NFIX: variants seen among roughly 807,000 people sequenced by gnomAD.
NFIX encodes nuclear factor I X, also known as nuclear factor 1 X-type.
In NFIX, 2 loss-of-function variants were observed where a neutral mutation model predicts 53.3. That is an observed-to-expected ratio of 0.04 (90% CI 0.02 to 0.12). NFIX has a LOEUF of 0.12. NFIX is among the 10% of genes least tolerant of loss of function. The pLI is 1.00. For missense variants in NFIX, 310 were observed against 674.5 expected, an observed-to-expected ratio of 0.46 and a Z score of 5.99; for synonymous variants, 244 against 289.0, an observed-to-expected ratio of 0.84 and a Z score of 1.58.
intron 2 of NFIX, among the ~76,000 whole-genome samples, chr19:13,047,391 G>A (rs1207340701): frequency 2.6e-5 from 4 of 151,962 alleles, no homozygotes; most frequent in Admixed American, 6.6e-5. Context: ...CCATTTTCCC[G>A]CCATCAGCTT....
At position 13,081,927 on chromosome 19, in the gene NFIX, C is replaced by A. The variant is rs7247634; in HGVS notation, c.1254+72C>A. On this transcript the variant is annotated intron_variant, in intron 8 of 10. Transcript: ENST00000592199. The surrounding 1 kb of genome is among the most constrained non-coding windows in gnomAD (Gnocchi z 4.7). The stretch of plus-strand genomic sequence containing the variant: ...ATCTATCTGTCTGTCTCAGGGCTCA[C>A]AGGGAGAGGGCCCAAAAGCCAGGAG... 1,262 of 1,563,286 alleles carry A rather than the reference C, an allele frequency of 8.1e-4. 9 individuals carry two copies. In the African/African-American group the frequency reaches 0.015, roughly 19 times the overall value.
At chr19:13,003,319 G>T (rs1179048251) in intron 1 of NFIX, among the ~76,000 whole-genome samples, 1 of 152,120 alleles carries the variant, frequency 6.6e-6, no homozygotes, top group East Asian at 1.9e-4. Flanking sequence ...CACACTCAGG[G>T]ACGTGCATGT....
chr19:13,039,649 C>T (rs780849978), intron 2 of NFIX, among the ~76,000 whole-genome samples: 14 of 152,090 alleles, frequency 9.2e-5, no homozygotes, highest in East Asian at 1.9e-4. Flanking sequence ...ATCTGCTGGG[C>T]GAGGCCCCGT....
In NFIX at chr19:13,068,150, G is replaced by T. The variant is rs1346365149; in HGVS notation, c.560-4897G>T. On this transcript the variant is annotated intron_variant, in intron 2 of 10. Transcript: ENST00000592199. The surrounding 1 kb of genome is among the most constrained non-coding windows in gnomAD (Gnocchi z 4.2). ...AACAAAAAACAAAAACATGCTGTCA[G>T]TTGGAGTTTATGTGCAATCCCAGGC... is the stretch of plus-strand genomic sequence containing the variant. Among the ~76,000 whole-genome samples, 1 of 152,158 alleles carries T rather than the reference G, an allele frequency of 6.6e-6. No individual in the cohort carries two copies. The highest frequency in any genetic ancestry group is 1.5e-5 in the Non-Finnish European group (1 of 68,016).
In NFIX at chr19:13,081,840, C is replaced by T. The variant is rs1173207111; in HGVS notation, c.1239C>T (p.Gly413=). The change falls in exon 8 of 11, where the codon GGC becomes GGT. Residue 413 remains glycine (G), a synonymous_variant. Coordinates refer to ENST00000592199, the MANE Select transcript of NFIX (RefSeq NM_001365902.3). The surrounding 1 kb of genome is among the most constrained non-coding windows in gnomAD (Gnocchi z 4.7). The part of the protein sequence containing the change: ...FVQFVCSDGS[G]QATGQPNGSG... ...AGTTTGTGTGCTCGGATGGCTCGGG[C>T]CAGGCCACCGGACAGGTGAGTCCAG... The T allele has an allele frequency of 1.2e-6, 2 of 1,613,808 alleles. No homozygotes were observed. The highest frequency in any genetic ancestry group is 1.7e-6 in the Non-Finnish European group (2 of 1,179,890).
rs375287066 is a variant in NFIX at position 13,090,358 on chromosome 19, G to T, written c.1462G>T (p.Gly488Cys). The T allele has an allele frequency of 6.2e-7, 1 of 1,613,828 alleles. No homozygotes were observed. The highest frequency in any genetic ancestry group is 8.5e-7 in the Non-Finnish European group (1 of 1,179,894). The change falls in exon 10 of 11, where the codon GGC becomes TGC. Residue 488 changes from glycine (G) to cysteine (C), a missense_variant. Transcript: ENST00000592199. The surrounding 1 kb of genome is among the most constrained non-coding windows in gnomAD (Gnocchi z 6.6). ...GTTTGTCAGCATCGGACCCCGGGAC[G>T]GCAACTTTCTGAACATCCCACAGCA... ...NRFVSIGPRDGNFLNIPQQSQ... is the reference protein window; with the variant it reads ...NRFVSIGPRDCNFLNIPQQSQ...
chr19:13,023,977 T>A, intron 1 of NFIX: 1 of 1,151,756 alleles, frequency 8.7e-7, no homozygotes, highest in Non-Finnish European at 1.1e-6. Context: ...TCACAACTCT[T>A]TTGAGTCCAG....
chr19:13,062,979 G>T (rs1256366506), intron 2 of NFIX, among the ~76,000 whole-genome samples: 2 of 152,188 alleles, frequency 1.3e-5, no homozygotes, highest in Non-Finnish European at 2.9e-5. Context: ...GGGTTCTACA[G>T]TTCTAATCCC....
chr19:13,056,486 T>G (rs1259818907), intron 2 of NFIX, among the ~76,000 whole-genome samples: 1 of 152,116 alleles, frequency 6.6e-6, no homozygotes, highest in Non-Finnish European at 1.5e-5. Flanking sequence ...TGGTATTCAC[T>G]CTTACTGTTA....
In NFIX at chr19:13,013,523, C is replaced by T. The variant is rs1324981765; in HGVS notation, c.28-11498C>T. 1 of 152,200 alleles carries T rather than the reference C, an allele frequency of 6.6e-6. No individual in the cohort carries two copies. Among genetic ancestry groups the T allele is most frequent in the African/African-American group, 2.4e-5 (1 of 41,432 alleles). The allele number at this position is 152,200 out of a possible 1,614,324, so 9.4% of individuals were successfully genotyped here. A position where few individuals can be genotyped will look rare whatever the true frequency, so the allele number is the denominator to read the frequency against. On this transcript the variant is annotated intron_variant, in intron 1 of 10. Coordinates refer to ENST00000592199, the MANE Select transcript of NFIX (RefSeq NM_001365902.3). This position sits in a 1 kb window ranked among gnomAD's most constrained non-coding sequence, Gnocchi z 5.9. ...GGTGACCCTGGGGCAGCGGCTGACC[C>T]TGCTGCGCCCTGTACCCTGGACCCA...
Position 13,078,775 on chromosome 19 carries a change from G to A in NFIX, c.1078+40G>A, listed in dbSNP as rs1343435205. On this transcript the variant is annotated intron_variant, in intron 7 of 10. Coordinates refer to ENST00000592199, the MANE Select transcript of NFIX (RefSeq NM_001365902.3). This position sits in a 1 kb window ranked among gnomAD's most constrained non-coding sequence, Gnocchi z 4.7. ...GCCCCGGAGGGGGGCAGTTGGGGAGGTGGCTGAGTATCTAGGGGCAGCTGG... is the reference window on the plus strand; with the variant it reads ...GCCCCGGAGGGGGGCAGTTGGGGAGATGGCTGAGTATCTAGGGGCAGCTGG... 5 of 1,564,298 alleles carry A rather than the reference G, an allele frequency of 3.2e-6. No homozygotes were observed. The highest frequency in any genetic ancestry group is 3.4e-6 in the Non-Finnish European group (4 of 1,160,154).
chr19:13,079,639 C>T (rs371293181), intron 7 of NFIX, among the ~76,000 whole-genome samples: 6 of 151,876 alleles, frequency 4.0e-5, no homozygotes, highest in South Asian at 2.1e-4. Context: ...CAGAGGCAGC[C>T]GGTGCTGGGG....
rs978773068 is a variant in NFIX at position 13,036,309 on chromosome 19, T to G, written c.559+10757T>G. ...GCGTCAGTCATGCTTCCAGGATTTA[T>G]TTCATCATAATTGTTTGTTTTGGGT... is the stretch of plus-strand genomic sequence containing the variant. On this transcript the variant is annotated intron_variant, in intron 2 of 10. Coordinates refer to ENST00000592199, the MANE Select transcript of NFIX (RefSeq NM_001365902.3). This position sits in a 1 kb window ranked among gnomAD's most constrained non-coding sequence, Gnocchi z 4.7. Among the ~76,000 whole-genome samples, 2 of 152,244 alleles carry G rather than the reference T, an allele frequency of 1.3e-5. No individual in the cohort carries two copies. Among genetic ancestry groups the G allele is most frequent in the African/African-American group, 4.8e-5 (2 of 41,458 alleles).
chr19:13,026,314 G>A (rs2013343765), intron 2 of NFIX, among the ~76,000 whole-genome samples: 2 of 151,934 alleles, frequency 1.3e-5, no homozygotes, highest in Non-Finnish European at 2.9e-5. Context: ...AGGCTTTCTC[G>A]GGGCACAGGC....
chr19:13,094,552 G>T lies in NFIX; in HGVS notation c.1495-83G>T. 7.0e-7 allele frequency: 1 copy of T among 1,438,398 alleles called. No individual in the cohort carries two copies. Among genetic ancestry groups the T allele is most frequent in the Non-Finnish European group, 9.4e-7 (1 of 1,061,408 alleles). The allele number at this position is 1,438,398 out of a possible 1,614,324, so 89.1% of individuals were successfully genotyped here. A position where few individuals can be genotyped will look rare whatever the true frequency, so the allele number is the denominator to read the frequency against. ...CTCTTTGGGAGCTGGACCCTTGAGG[G>T]GCCAGGTCACTGGGCCAGGTAGGAG... On this transcript the variant is annotated intron_variant, in intron 10 of 10. Transcript: ENST00000592199. The surrounding 1 kb of genome is among the most constrained non-coding windows in gnomAD (Gnocchi z 4.3).
chr19:13,091,952 C>A (rs543836982), intron 10 of NFIX, among the ~76,000 whole-genome samples: 59 of 152,230 alleles, frequency 3.9e-4, no homozygotes, highest in Admixed American at 1.3e-4. Context: ...TTTGTCTCCC[C>A]CCATGTTCCC....
intron 2 of NFIX, among the ~76,000 whole-genome samples, chr19:13,031,024 G>C (rs190404186): frequency 6.6e-6 from 1 of 152,334 alleles, no homozygotes; most frequent in African/African-American, 2.4e-5. Context: ...GAATAATGAT[G>C]GGGCTCAGGC....
Position 13,012,908 on chromosome 19 carries a change from A to G in NFIX, c.28-12113A>G, listed in dbSNP as rs1006328917. ...CTCTTTTGGGGGAGTAAAGGCGGGG[A>G]AATTTACCAGGGGAGATTTTTGTTT... On this transcript the variant is annotated intron_variant, in intron 1 of 10. Transcript: ENST00000592199. The surrounding 1 kb of genome is among the most constrained non-coding windows in gnomAD (Gnocchi z 5.0). 2.0e-5 allele frequency among the ~76,000 whole-genome samples: 3 copies of G among 151,250 alleles called. No homozygotes were observed. Among genetic ancestry groups the G allele is most frequent in the Non-Finnish European group, 2.9e-5 (2 of 67,798 alleles).
At position 13,078,439 on chromosome 19, in the gene NFIX, C is replaced by T. The variant is rs1357479118; in HGVS notation, c.956-174C>T. On this transcript the variant is annotated intron_variant, in intron 6 of 10. Coordinates refer to ENST00000592199, the MANE Select transcript of NFIX (RefSeq NM_001365902.3). This position sits in a 1 kb window ranked among gnomAD's most constrained non-coding sequence, Gnocchi z 4.7. The stretch of plus-strand genomic sequence containing the variant: ...TGGCCTACACACAGGGCCTCGGAAC[C>T]AGGCCTAGAACAAGGCCTGGGACTG... Among the ~76,000 whole-genome samples the T allele has an allele frequency of 2.6e-5, 4 of 152,314 alleles. No individual in the cohort carries two copies. In the East Asian group the frequency reaches 5.8e-4, roughly 22 times the overall value.
Sources: gnomAD v4.1 joint callset for allele counts (sites outside exome capture counted in the v4.1 genomes callset) on GRCh38, gnomAD v4.1.1 for gene constraint, Gnocchi (gnomAD v3.1) non-coding constraint, MANE v1.5 for transcripts, NCBI Gene and HGNC (gene_info 2026-07-23, HGNC 2026-07-21) for gene names.